PDE4D: variants seen among roughly 807,000 people sequenced by gnomAD.
PDE4D encodes the protein 3',5'-cyclic-AMP phosphodiesterase 4D.
In PDE4D, 24 loss-of-function variants were observed where a neutral mutation model predicts 87.4. The observed-to-expected ratio is 0.27, with a 90% CI of 0.20 to 0.39. The LOEUF (loss-of-function observed/expected upper bound fraction) is 0.39. Among genes scored for constraint, PDE4D ranks in the 10% least tolerant of loss-of-function variants. The pLI is 1.00. For synonymous variants in PDE4D, 384 were observed against 383.2 expected, an observed-to-expected ratio of 1.00 and a Z score of -0.02; for missense variants, 714 against 1,041.0, an observed-to-expected ratio of 0.69 and a Z score of 4.32.
At chr5:59,908,603 T>C (rs1470537065) in intron 3 of PDE4D, among the ~76,000 whole-genome samples, 1 of 152,162 alleles carries the variant, frequency 6.6e-6, no homozygotes, top group Non-Finnish European at 1.5e-5. Context: ...CAAAATAAGG[T>C]CCATGATTGT....
chr5:60,031,257 T>A (rs1767213562), intron 2 of PDE4D, among the ~76,000 whole-genome samples: 1 of 152,260 alleles, frequency 6.6e-6, no homozygotes, highest in Non-Finnish European at 1.5e-5. Context: ...AGAGGCTTTT[T>A]GCTTTAACAA....
chr5:58,996,021 A>AG (rs1749132399), intron 6 of PDE4D, among the ~76,000 whole-genome samples: 1 of 152,208 alleles, frequency 6.6e-6, no homozygotes, highest in Non-Finnish European at 1.5e-5. Flanking sequence ...CATCATTCTC[A>AG]GCAAACTAAC....
At chr5:60,187,623 T>A (rs917152722) in intron 1 of PDE4D, among the ~76,000 whole-genome samples, 82 of 152,128 alleles carry the variant, frequency 5.4e-4, no homozygotes, top group Non-Finnish European at 1.9e-4. Context: ...TTTTAAAAAA[T>A]TTGCCTTGAA....
At chr5:60,055,388 T>C (rs1770664859) in intron 2 of PDE4D, among the ~76,000 whole-genome samples, 1 of 152,050 alleles carries the variant, frequency 6.6e-6, no homozygotes, top group South Asian at 2.1e-4. Context: ...CTGTGGTTAA[T>C]TTCCTCATAC....
intron 1 of PDE4D, among the ~76,000 whole-genome samples, chr5:59,442,131 ATGGGCTTTGGGACCATTTTTTAT>A (rs1226050566): frequency 2.0e-5 from 3 of 152,240 alleles, no homozygotes; most frequent in African/African-American, 7.2e-5. Context: ...AATGATAACA[ATGGGCTTTGGGACCATTTTTTAT>A]TAATGAAAGA....
At chr5:59,024,060 C>T (rs1755751922) in intron 6 of PDE4D, among the ~76,000 whole-genome samples, 1 of 150,974 alleles carries the variant, frequency 6.6e-6, no homozygotes, top group Non-Finnish European at 1.5e-5. Flanking sequence ...CACCACCACA[C>T]CTGGCTAATT....
intron 1 of PDE4D, among the ~76,000 whole-genome samples, chr5:60,421,950 G>T (rs1203529307): frequency 6.6e-6 from 1 of 152,186 alleles, no homozygotes; most frequent in Non-Finnish European, 1.5e-5. Flanking sequence ...ATCACTGACT[G>T]AAGATCAAAT....
chr5:59,134,975 T>C (rs1347882577), intron 5 of PDE4D, among the ~76,000 whole-genome samples: 1 of 152,238 alleles, frequency 6.6e-6, no homozygotes, highest in Non-Finnish European at 1.5e-5. Flanking sequence ...TTGTGGCATA[T>C]TTTAATAGCT....
chr5:59,008,180 G>C (rs1426420839), intron 6 of PDE4D, among the ~76,000 whole-genome samples: 1 of 151,958 alleles, frequency 6.6e-6, no homozygotes. Flanking sequence ...TCACATAAAT[G>C]AAGCCTCCAC....
chr5:58,993,637 C>T (rs1032161084), intron 6 of PDE4D, among the ~76,000 whole-genome samples, 172 bp from the exon 7 acceptor site: 4 of 152,170 alleles, frequency 2.6e-5, no homozygotes, highest in African/African-American at 9.7e-5. Flanking sequence ...ACACCATAAT[C>T]GGTGCTGCCA....
At chr5:59,799,293 A>AT (rs1766851524) in intron 1 of PDE4D, among the ~76,000 whole-genome samples, 2 of 152,192 alleles carry the variant, frequency 1.3e-5, no homozygotes, top group Admixed American at 1.3e-4. Context: ...ACTGGAGTGG[A>AT]TTTTATGAAG....
intron 1 of PDE4D, among the ~76,000 whole-genome samples, chr5:59,856,964 TG>T (rs1391751799): frequency 6.6e-6 from 1 of 152,132 alleles, no homozygotes; most frequent in African/African-American, 2.4e-5. Flanking sequence ...ATCACAGATT[TG>T]GAAATACAAG....
chr5:60,138,388 T>C (rs1296647254), intron 2 of PDE4D, among the ~76,000 whole-genome samples: 2 of 152,144 alleles, frequency 1.3e-5, no homozygotes, highest in African/African-American at 4.8e-5. Flanking sequence ...AGTAGGTTTA[T>C]TCAATCAATC....
intron 3 of PDE4D, among the ~76,000 whole-genome samples, chr5:59,969,472 G>A (rs1760450738): frequency 6.6e-6 from 1 of 152,170 alleles, no homozygotes; most frequent in African/African-American, 2.4e-5. Flanking sequence ...GGGTTTCTGA[G>A]AATGTTGTGT....
At chr5:59,780,754 A>T (rs7706781) in intron 1 of PDE4D, among the ~76,000 whole-genome samples, 5 of 152,342 alleles carry the variant, frequency 3.3e-5, no homozygotes, top group African/African-American at 1.2e-4. Flanking sequence ...TTGCTGCAGC[A>T]TCCTTAGATA....
rs79531473 is a variant in PDE4D, at chr5:60,248,986, C to T, written c.-89-63299G>A. Among the ~76,000 whole-genome samples, 1,861 of 152,084 alleles carry T rather than the reference C, an allele frequency of 0.012. 60 individuals carry two copies. The East Asian group carries it at 0.12, about 10-fold the overall frequency. ...AAAATTGAGCATGTGGCTCCAAGAGCCACCACTGTTTCCTTCTGTTTCTTG... is the reference window on the plus strand; with the variant it reads ...AAAATTGAGCATGTGGCTCCAAGAGTCACCACTGTTTCCTTCTGTTTCTTG... On this transcript the variant is annotated intron_variant, in intron 1 of 16. Coordinates refer to the PDE4D transcript ENST00000502484.
At chr5:60,379,488 G>A (rs1276004228) in intron 1 of PDE4D, among the ~76,000 whole-genome samples, 1 of 152,186 alleles carries the variant, frequency 6.6e-6, no homozygotes, top group Non-Finnish European at 1.5e-5. Context: ...CAGCTCTGAG[G>A]ACCCAATCTC....
intron 1 of PDE4D, among the ~76,000 whole-genome samples, chr5:59,383,816 A>C: frequency 6.6e-6 from 1 of 152,208 alleles, no homozygotes; most frequent in Non-Finnish European, 1.5e-5. Context: ...ACAAATATTT[A>C]CATGCTGATT....
chr5:60,093,586 C>T (rs537976559), intron 2 of PDE4D, among the ~76,000 whole-genome samples: 7 of 152,266 alleles, frequency 4.6e-5, no homozygotes, highest in African/African-American at 1.7e-4. Context: ...GCCTTACCCC[C>T]ACTCTGTCTT....
Sources: gnomAD v4.1 joint callset for allele counts (sites outside exome capture counted in the v4.1 genomes callset) on GRCh38, gnomAD v4.1.1 for gene constraint, MANE v1.5 for transcripts, NCBI Gene and HGNC (gene_info 2026-07-23, HGNC 2026-07-21) for gene names.